The following NINL variants were observed in gnomAD, a reference collection of about 807,000 sequenced individuals.
The protein encoded by NINL is ninein like.
In NINL, 153 loss-of-function variants were observed where a neutral mutation model predicts 160.3. The observed-to-expected ratio is 0.95, with a 90% CI of 0.84 to 1.09. NINL has a LOEUF of 1.09. NINL is among the 50% of genes least tolerant of loss of function. The pLI is 0.00. For missense variants in NINL, 1,829 were observed against 1,764.0 expected, an observed-to-expected ratio of 1.04 and a Z score of -0.66; for synonymous variants, 800 against 734.8, an observed-to-expected ratio of 1.09 and a Z score of -1.43.
Position 25,462,555 on chromosome 20 carries a change from T to G in NINL, c.3424-14A>C. 1 of 1,591,746 alleles carries G rather than the reference T, an allele frequency of 6.3e-7. No homozygotes were observed. The highest frequency in any genetic ancestry group is 8.5e-7 in the Non-Finnish European group (1 of 1,171,216). ...GTAGTTCTGATTCTGGGGGAAAAAG[T>G]TTTTAAATACATAAGAAAAAAATGT... On this transcript the variant is annotated splice_polypyrimidine_tract_variant and intron_variant, in intron 19 of 23. Transcript: ENST00000278886.
intron 1 of NINL, among the ~76,000 whole-genome samples, chr20:25,566,803 AAACAAC>A (rs141901438): frequency 7.9e-5 from 12 of 151,648 alleles, no homozygotes; most frequent in Admixed American, 3.3e-4. Context: ...TAAAACAAAC[AAACAAC>A]AACAACAACA....
intron 1 of NINL, among the ~76,000 whole-genome samples, chr20:25,530,749 G>T (rs965095508): frequency 1.3e-5 from 2 of 152,068 alleles, no homozygotes; most frequent in East Asian, 3.9e-4. Flanking sequence ...GGGAGTGAGC[G>T]AATAGGTGTG....
intron 13 of NINL, chr20:25,488,964 CG>C: frequency 2.2e-6 from 1 of 450,354 alleles, no homozygotes; most frequent in Non-Finnish European, 4.1e-6. Flanking sequence ...AACTGACAGA[CG>C]GACACGCATG....
At chr20:25,578,108 A>G (rs147755263) in intron 1 of NINL, among the ~76,000 whole-genome samples, 11,726 of 149,172 alleles carry the variant, frequency 0.079, 472 homozygotes, top group Non-Finnish European at 0.1. Context: ...CTGGGATTAC[A>G]GGCGTGATTT....
chr20:25,570,039 T>C (rs1433753461), intron 1 of NINL, among the ~76,000 whole-genome samples: 2 of 150,716 alleles, frequency 1.3e-5, no homozygotes, highest in East Asian at 3.9e-4. Context: ...AAATTTTAGC[T>C]GGGCATGGTG....
chr20:25,476,530 T>C lies in NINL; in HGVS notation c.2761A>G (p.Lys921Glu), dbSNP rs776821150. 1.2e-6 allele frequency: 2 copies of C among 1,600,868 alleles called. No homozygotes were observed. The highest frequency in any genetic ancestry group is 1.7e-6 in the Non-Finnish European group (2 of 1,179,828). The stretch of plus-strand genomic sequence containing the variant: ...CTCGCGCCGAAAGGCTCTGGCTCCT[T>C]TGGGACAATATCCCCATCCACTCCA... ...PCGVDGDIVP[K>E]EPEPFGASAA... Residue 921 changes from lysine to glutamate, a missense_variant, in exon 17 of 24, where the codon AAG becomes GAG. Transcript: ENST00000278886.
chr20:25,491,280 C>A, intron 11 of NINL, 71 bp downstream of exon 11: 1 of 1,515,078 alleles, frequency 6.6e-7, no homozygotes, highest in Non-Finnish European at 8.9e-7. Flanking sequence ...GATCCTCAAC[C>A]AGGATGACGT....
rs2063766534 is a variant in NINL at position 25,496,875 on chromosome 20, G to A, written c.1170-72C>T. On this transcript the variant is annotated intron_variant, in intron 9 of 23. Coordinates refer to ENST00000278886, the MANE Select transcript of NINL (RefSeq NM_025176.6). ...TGACCCGCCATGCCAGGTGGCTCTG[G>A]GCCCCATATCTGCATCAATGATAGA... 3 of 1,581,662 alleles carry A rather than the reference G, an allele frequency of 1.9e-6. No individual in the cohort carries two copies. The Admixed American group carries it at 5.3e-5, about 28-fold the overall frequency.
At chr20:25,510,430 C>T (rs185873110) in intron 5 of NINL, among the ~76,000 whole-genome samples, 133 of 152,356 alleles carry the variant, frequency 8.7e-4, no homozygotes, top group African/African-American at 3.0e-3. Context: ...GATGCTCCCT[C>T]GGCCACGGGC....
chr20:25,533,625 C>A (rs1212052810), intron 1 of NINL, among the ~76,000 whole-genome samples: 2 of 152,178 alleles, frequency 1.3e-5, no homozygotes, highest in African/African-American at 4.8e-5. Flanking sequence ...CAGAAATCAA[C>A]CCCCATGCAT....
At chr20:25,524,906 T>A (rs766028904) in intron 2 of NINL, among the ~76,000 whole-genome samples, 38 of 92,066 alleles carry the variant, frequency 4.1e-4, no homozygotes, top group African/African-American at 5.9e-4. Context: ...CAAATTAAAA[T>A]ATATATATAT....
In NINL at chr20:25,487,765, T is replaced by C. The variant is rs576312275; in HGVS notation, c.1677+1479A>G. Among the ~76,000 whole-genome samples the C allele has an allele frequency of 4.6e-5, 7 of 152,364 alleles. No homozygotes were observed. In the South Asian group the frequency reaches 1.4e-3, roughly 32 times the overall value. ...CCCAACTCAACTCTAGTTTGTTTTCTTCTACACAGAATTTTCTTCCGCACA... is the reference window on the plus strand; with the variant it reads ...CCCAACTCAACTCTAGTTTGTTTTCCTCTACACAGAATTTTCTTCCGCACA... On this transcript the variant is annotated intron_variant, in intron 13 of 23. Coordinates refer to ENST00000278886, the MANE Select transcript of NINL (RefSeq NM_025176.6).
intron 7 of NINL, among the ~76,000 whole-genome samples, chr20:25,501,514 A>G (rs557466659): frequency 6.6e-6 from 1 of 152,310 alleles, no homozygotes; most frequent in African/African-American, 2.4e-5. Flanking sequence ...CTCAGAATGC[A>G]GCATGAGTGG....
At chr20:25,578,004 G>A (rs1184800481) in intron 1 of NINL, among the ~76,000 whole-genome samples, 1 of 149,076 alleles carries the variant, frequency 6.7e-6, no homozygotes. Flanking sequence ...GGCTAATTTT[G>A]TATTTTTAGT....
chr20:25,484,523 C>T (rs957189907), intron 13 of NINL, among the ~76,000 whole-genome samples: 3 of 152,204 alleles, frequency 2.0e-5, no homozygotes, highest in African/African-American at 4.8e-5. Context: ...CGGGGCATGC[C>T]GCGGCACAGC....
intron 23 of NINL, 71 bp from the exon 24 acceptor site, chr20:25,453,713 T>TA: frequency 7.0e-7 from 1 of 1,419,204 alleles, no homozygotes; most frequent in Non-Finnish European, 9.6e-7. Flanking sequence ...CTGCTCTCTT[T>TA]TATCCTCCCA....
chr20:25,542,953 T>C (rs1271989003), intron 1 of NINL, among the ~76,000 whole-genome samples: 7 of 149,738 alleles, frequency 4.7e-5, no homozygotes, highest in Non-Finnish European at 5.9e-5. Flanking sequence ...GGCACGAGAA[T>C]TGCTTGAACC....
chr20:25,471,135 G>T (rs930154392), intron 17 of NINL, among the ~76,000 whole-genome samples: 1 of 151,986 alleles, frequency 6.6e-6, no homozygotes, highest in Admixed American at 6.6e-5. Flanking sequence ...TGGGACTACA[G>T]TAGGCATGCG....
In NINL at chr20:25,505,037, G is replaced by T; in HGVS notation, c.559C>A (p.Gln187Lys). ...TCAAAGGAGGGGCTGCAGGACTTCT[G>T]GGGGCTCCCAAAGTCCTCAGAATCC... is the stretch of plus-strand genomic sequence containing the variant. ...TWDSEDFGSPQKSCSPSFDTP... is the reference protein window; with the variant it reads ...TWDSEDFGSPKKSCSPSFDTP... Residue 187 changes from glutamine to lysine, a missense_variant, in exon 6 of 24, where the codon CAG (glutamine) becomes AAG (lysine). Transcript: ENST00000278886. 6.2e-7 allele frequency: 1 copy of T among 1,609,484 alleles called. No homozygotes were observed. Among genetic ancestry groups the T allele is most frequent in the Non-Finnish European group, 8.5e-7 (1 of 1,177,414 alleles).
Sources: allele counts gnomAD v4.1 joint callset (sites outside exome capture counted in the v4.1 genomes callset), GRCh38; gene constraint gnomAD v4.1.1; transcripts MANE v1.5; gene names NCBI Gene and HGNC (gene_info 2026-07-23, HGNC 2026-07-21).